The following MUCL1 variants were observed in gnomAD, a reference collection of about 807,000 sequenced individuals.
MUCL1 encodes mucin like 1, also known as mucin-like protein 1.
In MUCL1, 11 loss-of-function variants were observed where a neutral mutation model predicts 9.2. The observed-to-expected ratio is 1.19, with a 90% CI of 0.75 to 1.97. MUCL1 has a LOEUF of 1.97. MUCL1 is among the 30% of genes most tolerant of loss of function. The pLI, the probability that MUCL1 is intolerant of heterozygous loss-of-function variation, is 0.00. For missense variants in MUCL1, 144 were observed against 110.9 expected (o/e 1.30, Z -1.34); for synonymous variants, 48 against 40.5 (o/e 1.19, Z -0.71).
chr12:54,842,530 G>A (rs1268545215), intron 1 of MUCL1, among the ~76,000 whole-genome samples: 4 of 151,954 alleles, frequency 2.6e-5, no homozygotes, highest in African/African-American at 9.7e-5. Context: ...TATACTCTCA[G>A]GCCTTTCTGT....
intron 2 of MUCL1, chr12:54,855,509 CA>C: frequency 4.1e-6 from 1 of 244,412 alleles, no homozygotes; most frequent in Non-Finnish European, 8.2e-6. Context: ...TAGCCAGTGT[CA>C]AAAAGAGACC....
upstream of MUCL1, among the ~76,000 whole-genome samples, chr12:54,834,746 A>G (rs962497952): frequency 6.6e-6 from 1 of 151,946 alleles, no homozygotes; most frequent in African/African-American, 2.4e-5. Context: ...AAATAAATAT[A>G]TATATTTTTT....
chr12:54,851,840 AT>A (rs1244162122), upstream of MUCL1, among the ~76,000 whole-genome samples: 3 of 152,186 alleles, frequency 2.0e-5, no homozygotes, highest in Non-Finnish European at 4.4e-5. Flanking sequence ...ATGTGCAAAA[AT>A]CACAAGCATT....
At chr12:54,848,026 C>CTTT (rs35409980) in intron 1 of MUCL1, among the ~76,000 whole-genome samples, 1 of 135,616 alleles carries the variant, frequency 7.4e-6, no homozygotes, top group African/African-American at 2.7e-5. Flanking sequence ...CATCTCAATT[C>CTTT]TTTTTTTTTT....
intron 1 of MUCL1, among the ~76,000 whole-genome samples, chr12:54,846,332 C>G (rs534846639): frequency 1.3e-5 from 2 of 152,154 alleles, no homozygotes; most frequent in South Asian, 4.2e-4. Flanking sequence ...TGCACCTGCC[C>G]GTCTGCATGT....
upstream of MUCL1, among the ~76,000 whole-genome samples, chr12:54,851,661 C>T (rs975802938): frequency 8.6e-5 from 13 of 152,024 alleles, no homozygotes; most frequent in Non-Finnish European, 1.0e-4. Context: ...CTGGCCAGGG[C>T]GATCAGGCAG....
chr12:54,839,205 G>T (rs1959199519), upstream of MUCL1, among the ~76,000 whole-genome samples: 2 of 152,184 alleles, frequency 1.3e-5, no homozygotes, highest in South Asian at 4.1e-4. Context: ...GAATTCCTTG[G>T]TTATAGAGAG....
intron 3 of MUCL1, 64 bp from the exon 4 acceptor site, chr12:54,858,129 A>G: frequency 6.3e-7 from 1 of 1,599,014 alleles, no homozygotes; most frequent in South Asian, 1.1e-5. Context: ...TCAGATTCTG[A>G]AGAATAAATC....
At chr12:54,851,430 C>T (rs1046961694), upstream of MUCL1, among the ~76,000 whole-genome samples, 2 of 152,136 alleles carry the variant, frequency 1.3e-5, no homozygotes, top group Non-Finnish European at 2.9e-5. Context: ...TCAATAGATG[C>T]AGAAAAGGCC....
chr12:54,852,921 T>C (rs1182070145), upstream of MUCL1, among the ~76,000 whole-genome samples: 1 of 152,214 alleles, frequency 6.6e-6, no homozygotes, highest in Non-Finnish European at 1.5e-5. Context: ...TGCTAATCTC[T>C]CACCATATTA....
At position 54,858,257 on chromosome 12, in the gene MUCL1, G is replaced by C. The variant is rs772183799; in HGVS notation, c.*15G>C. ...TGTGTCCCTGAGATGGAATCAGCTT[G>C]AGTCTTCTGCAATTGGTCACAACTA... On this transcript the variant is annotated 3_prime_UTR_variant, in exon 4 of 4. Coordinates refer to ENST00000308796, the MANE Select transcript of MUCL1 (RefSeq NM_058173.3). 1.2e-6 allele frequency: 2 copies of C among 1,613,254 alleles called. No individual in the cohort carries two copies. The highest frequency in any genetic ancestry group is 1.7e-6 in the Non-Finnish European group (2 of 1,179,514).
At chr12:54,851,456 C>T (rs1959338626), upstream of MUCL1, among the ~76,000 whole-genome samples, 1 of 152,168 alleles carries the variant, frequency 6.6e-6, no homozygotes, top group Admixed American at 6.5e-5. Context: ...CAAAATTCAA[C>T]AACCCTTCGT....
chr12:54,849,072 AT>A (rs1482775795), intron 1 of MUCL1, among the ~76,000 whole-genome samples: 2 of 152,184 alleles, frequency 1.3e-5, no homozygotes, highest in African/African-American at 4.8e-5. Flanking sequence ...AGATACAGAT[AT>A]ATAGGGACTG....
upstream of MUCL1, among the ~76,000 whole-genome samples, chr12:54,837,494 G>A (rs1267986556): frequency 6.6e-6 from 1 of 152,080 alleles, no homozygotes; most frequent in Non-Finnish European, 1.5e-5. Flanking sequence ...GGCTGGGTGT[G>A]GTGGCTCATG....
At chr12:54,854,372 TCCAAAGGGCC>T (rs1868281509), upstream of MUCL1, 1 of 538,872 alleles carries the variant, frequency 1.9e-6, no homozygotes, top group South Asian at 2.6e-5. Flanking sequence ...TCACAACCTT[TCCAAAGGGCC>T]CCTGGCTGTG....
chr12:54,847,573 C>T (rs149486300), intron 1 of MUCL1, among the ~76,000 whole-genome samples: 2,804 of 152,274 alleles, frequency 0.018, 86 homozygotes, highest in African/African-American at 0.064. Flanking sequence ...CAAGATCACG[C>T]CATTGCACTC....
chr12:54,833,154 T>C (rs1959187601), intron 1 of MUCL1, among the ~76,000 whole-genome samples: 2 of 152,126 alleles, frequency 1.3e-5, no homozygotes, highest in Admixed American at 6.5e-5. Context: ...TTTCCTTGGC[T>C]TTTTATGTAT....
chr12:54,835,554 C>A (rs1263406882), upstream of MUCL1, among the ~76,000 whole-genome samples: 2 of 148,022 alleles, frequency 1.4e-5, no homozygotes, highest in South Asian at 4.2e-4. Flanking sequence ...ATTTGTATAT[C>A]TTCTTTTGAG....
upstream of MUCL1, among the ~76,000 whole-genome samples, chr12:54,852,143 T>C (rs1200376732): frequency 6.6e-6 from 1 of 152,094 alleles, no homozygotes; most frequent in East Asian, 1.9e-4. Context: ...CTTCACAGAA[T>C]TGGAAAAAAC....
Sources: gnomAD v4.1 joint callset for allele counts (sites outside exome capture counted in the v4.1 genomes callset) on GRCh38, gnomAD v4.1.1 for gene constraint, MANE v1.5 for transcripts, NCBI Gene and HGNC (gene_info 2026-07-23, HGNC 2026-07-21) for gene names.